Variants in GRM1 observed in about 807,000 individuals in gnomAD.
GRM1 encodes metabotropic glutamate receptor 1.
In GRM1, 33 loss-of-function variants were observed where a neutral mutation model predicts 90.9. The ratio of observed to expected loss-of-function variants is 0.36; its 90% confidence interval spans 0.28 to 0.49. The LOEUF is 0.49. GRM1 is among the 20% of genes least tolerant of loss of function. The pLI, the probability that GRM1 is intolerant of heterozygous loss-of-function variation, is 0.99. For synonymous variants in GRM1, 700 were observed against 613.2 expected (o/e 1.14, Z -2.09); for missense variants, 1,190 against 1,534.3 (o/e 0.78, Z 3.75).
chr6:146,417,380 C>A (rs1777825912), intron 7 of GRM1, among the ~76,000 whole-genome samples: 1 of 152,164 alleles, frequency 6.6e-6, no homozygotes. Context: ...TTATGCCAAT[C>A]TTGATCCCTC....
At chr6:146,168,168 A>C (rs1244699694) in intron 2 of GRM1, among the ~76,000 whole-genome samples, 3 of 152,018 alleles carry the variant, frequency 2.0e-5, no homozygotes, top group African/African-American at 7.2e-5. Flanking sequence ...AAAATAATGT[A>C]ATATATGTGT....
chr6:146,244,670 T>C (rs1012216710), intron 2 of GRM1, among the ~76,000 whole-genome samples: 13 of 152,314 alleles, frequency 8.5e-5, no homozygotes, highest in African/African-American at 3.1e-4. Flanking sequence ...ATAGATATAT[T>C]TGTTTTAAGT....
intron 3 of GRM1, among the ~76,000 whole-genome samples, chr6:146,310,142 T>C (rs1048898307): frequency 2.0e-5 from 3 of 152,256 alleles, no homozygotes; most frequent in African/African-American, 4.8e-5. Flanking sequence ...AAGATGATGA[T>C]AGCTAGTCTA....
intron 1 of GRM1, among the ~76,000 whole-genome samples, chr6:146,058,510 C>T (rs1223051503): frequency 2.0e-5 from 3 of 152,074 alleles, no homozygotes; most frequent in Non-Finnish European, 4.4e-5. Flanking sequence ...TTTTTGGTGG[C>T]TGAGGTCTTG....
intron 3 of GRM1, among the ~76,000 whole-genome samples, chr6:146,314,124 T>G (rs1358649263): frequency 8.0e-6 from 1 of 124,604 alleles, no homozygotes; most frequent in African/African-American, 3.0e-5. Context: ...TGGAATGCAA[T>G]AGCTGGATCT....
At chr6:146,094,847 G>A (rs566120096) in intron 1 of GRM1, among the ~76,000 whole-genome samples, 6 of 152,066 alleles carry the variant, frequency 3.9e-5, no homozygotes, top group African/African-American at 1.4e-4. Context: ...GGGAGACCAG[G>A]GCAGTTGTTA....
intron 2 of GRM1, among the ~76,000 whole-genome samples, chr6:146,196,437 G>A (rs1044114840): frequency 1.4e-5 from 2 of 146,568 alleles, no homozygotes; most frequent in South Asian, 4.3e-4. Context: ...ACAGGCACCC[G>A]CCACCATGCC....
chr6:146,186,810 T>A (rs568955126), intron 2 of GRM1, among the ~76,000 whole-genome samples: 1 of 152,338 alleles, frequency 6.6e-6, no homozygotes, highest in South Asian at 2.1e-4. Context: ...AAGGTTTATT[T>A]GCTGTTCGCA....
chr6:146,257,664 A>G (rs1352711188), intron 2 of GRM1, among the ~76,000 whole-genome samples: 2 of 152,136 alleles, frequency 1.3e-5, no homozygotes, highest in Non-Finnish European at 2.9e-5. Flanking sequence ...AGCTGGCAGT[A>G]TAGTTCTGAG....
chr6:146,241,903 C>T (rs2114735594), intron 2 of GRM1, among the ~76,000 whole-genome samples: 1 of 152,212 alleles, frequency 6.6e-6, no homozygotes, highest in Admixed American at 6.5e-5. Context: ...GTGAAGGTTT[C>T]TGACTGTTCA....
At chr6:146,290,987 A>T (rs1400420086) in intron 2 of GRM1, among the ~76,000 whole-genome samples, 1 of 152,162 alleles carries the variant, frequency 6.6e-6, no homozygotes, top group Non-Finnish European at 1.5e-5. Flanking sequence ...ATGACCCCCC[A>T]AAAATGTCTA....
At chr6:146,164,670 G>T (rs1262402614) in intron 2 of GRM1, among the ~76,000 whole-genome samples, 1 of 151,930 alleles carries the variant, frequency 6.6e-6, no homozygotes, top group Non-Finnish European at 1.5e-5. Context: ...GTCATCACTG[G>T]GTCTCACTAG....
intron 2 of GRM1, among the ~76,000 whole-genome samples, chr6:146,248,489 C>A (rs1378978757): frequency 6.6e-6 from 1 of 152,096 alleles, no homozygotes; most frequent in Non-Finnish European, 1.5e-5. Context: ...GCACTCCTTG[C>A]CCCACTGCTG....
Position 146,265,382 on chromosome 6 carries a change from A to T in GRM1, c.951-39229A>T, listed in dbSNP as rs140180237. Reference sequence around the variant, plus strand: ...GTTCACTCTTTAGTAGAGTTATTTGATTTTTCTTGATGAGTTGTTTGAGTT... The same window carrying T: ...GTTCACTCTTTAGTAGAGTTATTTGTTTTTTCTTGATGAGTTGTTTGAGTT... On this transcript the variant is annotated intron_variant, in intron 2 of 7. Transcript: ENST00000282753. Among the ~76,000 whole-genome samples the T allele has an allele frequency of 1.9e-3, 290 of 151,854 alleles. 5 individuals are homozygous for T. The East Asian group carries it at 0.037, about 20-fold the overall frequency.
At chr6:146,054,611 C>T (rs1380203660) in intron 1 of GRM1, among the ~76,000 whole-genome samples, 2 of 152,008 alleles carry the variant, frequency 1.3e-5, no homozygotes, top group African/African-American at 2.4e-5. Context: ...GGGGCATAGA[C>T]ATTCATTTCT....
intron 1 of GRM1, among the ~76,000 whole-genome samples, chr6:146,123,505 C>T (rs1291890526): frequency 6.6e-6 from 1 of 152,120 alleles, no homozygotes; most frequent in East Asian, 1.9e-4. Context: ...TCTTTTGCCC[C>T]AAAAACATCT....
At chr6:146,186,966 G>A (rs1778757019) in intron 2 of GRM1, among the ~76,000 whole-genome samples, 1 of 152,164 alleles carries the variant, frequency 6.6e-6, no homozygotes, top group Non-Finnish European at 1.5e-5. Flanking sequence ...AATAACAAAT[G>A]TCAGTTATAT....
chr6:146,082,570 C>T (rs1305884036), intron 1 of GRM1, among the ~76,000 whole-genome samples: 1 of 152,186 alleles, frequency 6.6e-6, no homozygotes, highest in Non-Finnish European at 1.5e-5. Flanking sequence ...TTCTCTACCT[C>T]TTCCCATATC....
intron 3 of GRM1, among the ~76,000 whole-genome samples, chr6:146,318,391 T>A (rs901794260): frequency 6.6e-6 from 1 of 152,236 alleles, no homozygotes; most frequent in Non-Finnish European, 1.5e-5. Flanking sequence ...ATTTTCTTTA[T>A]CCAGTCTATC....
Sources: gnomAD v4.1 joint callset for allele counts (sites outside exome capture counted in the v4.1 genomes callset) on GRCh38, gnomAD v4.1.1 for gene constraint, MANE v1.5 for transcripts, NCBI Gene and HGNC (gene_info 2026-07-23, HGNC 2026-07-21) for gene names.